Variants in EDIL3 observed in about 807,000 individuals in gnomAD.
The protein encoded by EDIL3 is EGF like and discoidin domains 3.
EDIL3 carries 37 observed loss-of-function variants against 67.4 expected under a neutral mutation model. That is an observed-to-expected ratio of 0.55 (90% CI 0.42 to 0.72). The LOEUF (loss-of-function observed/expected upper bound fraction) is 0.72. EDIL3 is among the 30% of genes least tolerant of loss of function. EDIL3 has a pLI of 0.00. For synonymous variants in EDIL3, 195 were observed against 196.3 expected (o/e 0.99, Z 0.05); for missense variants, 527 against 586.3 (o/e 0.90, Z 1.04).
chr5:84,254,233 G>T (rs201013998), intron 1 of EDIL3, 21 bp from the exon 2 acceptor site: 4 of 1,589,456 alleles, frequency 2.5e-6, no homozygotes, highest in Non-Finnish European at 3.4e-6. Context: ...AAAAAAAACC[G>T]AAATTGACAT....
chr5:84,273,187 T>C (rs1307656480), intron 1 of EDIL3, among the ~76,000 whole-genome samples: 2 of 152,168 alleles, frequency 1.3e-5, no homozygotes, highest in African/African-American at 4.8e-5. Flanking sequence ...CCAAAAGAAT[T>C]GGAAATTTTT....
rs1746861194 is a variant in EDIL3, at chr5:84,331,055, C to A, written c.67+53253G>T. 3.9e-5 allele frequency among the ~76,000 whole-genome samples: 6 copies of A among 152,288 alleles called. 1 individual carries two copies. The South Asian group carries it at 1.2e-3, about 32-fold the overall frequency. On this transcript the variant is annotated intron_variant, in intron 1 of 10. Transcript: ENST00000296591. Reference sequence around the variant, plus strand: ...ATATTGGACTTGCATGGGGCCCTAGCCCCTATGTTTTGGCCAATTTCTCCT... The same window carrying A: ...ATATTGGACTTGCATGGGGCCCTAGACCCTATGTTTTGGCCAATTTCTCCT...
intron 1 of EDIL3, among the ~76,000 whole-genome samples, chr5:84,274,597 T>C (rs887276111): frequency 3.3e-5 from 5 of 152,334 alleles, no homozygotes; most frequent in African/African-American, 1.2e-4. Context: ...ATATTATTGC[T>C]AATTTCATTT....
rs145062043 is a variant in EDIL3 at position 84,267,496 on chromosome 5, T to A, written c.68-13284A>T. On this transcript the variant is annotated intron_variant, in intron 1 of 10. Coordinates refer to ENST00000296591, the MANE Select transcript of EDIL3 (RefSeq NM_005711.5). The stretch of plus-strand genomic sequence containing the variant: ...AATAGACCAGCTTTCAAAAAGATGC[T>A]AGAAAGATATATTGGTTCCATACTG... Among the ~76,000 whole-genome samples, 8 of 152,300 alleles carry A rather than the reference T, an allele frequency of 5.3e-5. No individual in the cohort carries two copies. In the East Asian group the frequency reaches 1.5e-3, roughly 29 times the overall value.
intron 2 of EDIL3, among the ~76,000 whole-genome samples, chr5:84,235,067 TGGAGTTGCCTGC>T (rs1193608544): frequency 5.3e-5 from 8 of 152,174 alleles, no homozygotes; most frequent in African/African-American, 1.9e-4. Context: ...AAGAAGGATA[TGGAGTTGCCTGC>T]GGACGTATCC....
intron 5 of EDIL3, among the ~76,000 whole-genome samples, chr5:84,118,197 G>A (rs967023444): frequency 3.0e-4 from 45 of 151,392 alleles, no homozygotes; most frequent in South Asian, 2.1e-4. Flanking sequence ...CTACAACAAC[G>A]AAAAAAACAA....
At chr5:84,293,495 T>C (rs1218030930) in intron 1 of EDIL3, among the ~76,000 whole-genome samples, 4 of 150,664 alleles carry the variant, frequency 2.7e-5, no homozygotes, top group African/African-American at 1.0e-4. Context: ...ACTCTTGTTT[T>C]CAAGCGTAGA....
intron 3 of EDIL3, among the ~76,000 whole-genome samples, chr5:84,229,052 T>C (rs1175325035): frequency 2.6e-5 from 4 of 152,158 alleles, no homozygotes; most frequent in Non-Finnish European, 5.9e-5. Flanking sequence ...CTCTCAGGAC[T>C]TGACTCTATT....
At chr5:84,305,378 A>G (rs944983252) in intron 1 of EDIL3, among the ~76,000 whole-genome samples, 8 of 152,190 alleles carry the variant, frequency 5.3e-5, no homozygotes, top group Non-Finnish European at 4.4e-5. Context: ...GTTCCACAAA[A>G]TTTAGTTCTT....
rs757873581 is a variant in EDIL3 at position 84,060,309 on chromosome 5, T to C, written c.1128A>G (p.Gln376=). The C allele has an allele frequency of 3.7e-6, 6 of 1,613,572 alleles. No individual in the cohort carries two copies. Among genetic ancestry groups the C allele is most frequent in the Non-Finnish European group, 4.2e-6 (5 of 1,179,716 alleles). Residue 376 remains glutamine, a synonymous_variant, in exon 9 of 11, where the codon CAA becomes CAG. Transcript: ENST00000296591. Reference sequence around the variant, plus strand: ...TTTTGGAAAACTTTACCTGTAACCATTGTGACTGGTCATTGTGGCCAGAGG... The same window carrying C: ...TTTTGGAAAACTTTACCTGTAACCACTGTGACTGGTCATTGTGGCCAGAGG... The part of the protein sequence containing the change: ...AWTSGHNDQS[Q]WLQVDLLVPT...
chr5:84,327,662 G>A (rs1746790634), intron 1 of EDIL3, among the ~76,000 whole-genome samples: 1 of 151,914 alleles, frequency 6.6e-6, no homozygotes. Context: ...TCCCCACAGA[G>A]AAGTTTGGTA....
At chr5:84,308,494 C>A (rs1746316809) in intron 1 of EDIL3, among the ~76,000 whole-genome samples, 1 of 152,116 alleles carries the variant, frequency 6.6e-6, no homozygotes, top group South Asian at 2.1e-4. Flanking sequence ...TAGTGATCAT[C>A]TTAATTGTAA....
chr5:84,231,721 A>C (rs892732311), intron 2 of EDIL3, among the ~76,000 whole-genome samples: 1 of 152,224 alleles, frequency 6.6e-6, no homozygotes, highest in Non-Finnish European at 1.5e-5. Context: ...TAAATATTTT[A>C]AAAGCTGTTT....
chr5:84,378,501 C>T (rs1230513865), intron 1 of EDIL3, among the ~76,000 whole-genome samples: 1 of 152,158 alleles, frequency 6.6e-6, no homozygotes, highest in Non-Finnish European at 1.5e-5. Context: ...TCTGATTAAG[C>T]CTGACCTATT....
intron 6 of EDIL3, among the ~76,000 whole-genome samples, chr5:84,093,535 G>A (rs1393798263): frequency 6.6e-6 from 1 of 152,138 alleles, no homozygotes; most frequent in African/African-American, 2.4e-5. Context: ...ACCATGCAGT[G>A]CATGTATTGA....
intron 1 of EDIL3, among the ~76,000 whole-genome samples, chr5:84,364,631 G>C (rs2112204895): frequency 6.6e-6 from 1 of 152,038 alleles, no homozygotes; most frequent in African/African-American, 2.4e-5. Context: ...CATTACAATT[G>C]TTCTTTTATG....
intron 6 of EDIL3, among the ~76,000 whole-genome samples, chr5:84,085,351 G>A (rs1747050502): frequency 6.6e-6 from 1 of 152,132 alleles, no homozygotes; most frequent in Non-Finnish European, 1.5e-5. Context: ...ATGACCTTTG[G>A]CTGGAGTTTT....
intron 3 of EDIL3, among the ~76,000 whole-genome samples, chr5:84,200,080 G>A (rs1159898196): frequency 6.6e-6 from 1 of 152,002 alleles, no homozygotes; most frequent in Non-Finnish European, 1.5e-5. Context: ...ACTATGTTCT[G>A]GGATTTATTT....
chr5:83,975,343 C>A (rs1266941033), intron 9 of EDIL3, among the ~76,000 whole-genome samples: 2 of 151,912 alleles, frequency 1.3e-5, no homozygotes, highest in Non-Finnish European at 2.9e-5. Flanking sequence ...ATGCACTGTA[C>A]TTTCTATTAC....
Sources: allele counts gnomAD v4.1 joint callset (sites outside exome capture counted in the v4.1 genomes callset), GRCh38; gene constraint gnomAD v4.1.1; transcripts MANE v1.5; gene names NCBI Gene and HGNC (gene_info 2026-07-23, HGNC 2026-07-21).